BRINP3: variants seen among roughly 807,000 people sequenced by gnomAD.
BRINP3 encodes the protein BMP/retinoic acid inducible neural specific 3, also known as BMP/retinoic acid-inducible neural-specific protein 3.
BRINP3 carries 19 observed loss-of-function variants against 71.0 expected under a neutral mutation model. That is an observed-to-expected ratio of 0.27 (90% CI 0.19 to 0.39). The LOEUF is 0.39. BRINP3 is among the 10% of genes least tolerant of loss of function. The probability of loss-of-function intolerance (pLI) is 1.00; values close to 1 mark genes in which losing one functional copy is unlikely to be tolerated. For missense variants in BRINP3, 959 were observed against 940.8 expected (o/e 1.02, Z -0.25); for synonymous variants, 380 against 337.7 (o/e 1.13, Z -1.37).
At chr1:190,382,541 C>T (rs200965788) in intron 2 of BRINP3, among the ~76,000 whole-genome samples, 61 of 152,144 alleles carry the variant, frequency 4.0e-4, no homozygotes, top group African/African-American at 1.3e-3. Context: ...GTGAGGAAAA[C>T]GGACACTCAT....
chr1:190,287,943 A>C (rs1663561847), intron 2 of BRINP3, among the ~76,000 whole-genome samples: 1 of 152,146 alleles, frequency 6.6e-6, no homozygotes, highest in Admixed American at 6.6e-5. Context: ...TATGCAAACT[A>C]AGAGAAATAC....
chr1:190,245,709 C>G (rs1243008069), intron 4 of BRINP3, among the ~76,000 whole-genome samples: 1 of 151,104 alleles, frequency 6.6e-6, no homozygotes, highest in Admixed American at 6.6e-5. Flanking sequence ...CCCATCAACT[C>G]GTCATTTACA....
intron 6 of BRINP3, among the ~76,000 whole-genome samples, chr1:190,194,187 G>T (rs983012123): frequency 2.0e-5 from 3 of 151,992 alleles, no homozygotes; most frequent in Admixed American, 1.3e-4. Flanking sequence ...AAAGGAAGAC[G>T]CAACATGACC....
chr1:190,454,925 A>G lies in BRINP3; in HGVS notation c.-35T>C. 1.9e-6 allele frequency: 3 copies of G among 1,564,128 alleles called. No individual in the cohort carries two copies. The highest frequency in any genetic ancestry group is 2.6e-6 in the Non-Finnish European group (3 of 1,137,698). On this transcript the variant is annotated 5_prime_UTR_variant, in exon 2 of 8. Transcript: ENST00000367462. ...GGGGATTTAGAGCCTTCATTCTCTC[A>G]GCTTTCCCTCAACACCTAGACAAAA...
chr1:190,413,261 A>G (rs1260535331), intron 2 of BRINP3, among the ~76,000 whole-genome samples: 1 of 152,096 alleles, frequency 6.6e-6, no homozygotes, highest in Non-Finnish European at 1.5e-5. Context: ...AAAGTTTCTT[A>G]AAGAACTATC....
chr1:190,380,717 C>A (rs1357385120), intron 2 of BRINP3, among the ~76,000 whole-genome samples: 1 of 151,970 alleles, frequency 6.6e-6, no homozygotes, highest in East Asian at 1.9e-4. Flanking sequence ...GCAGAGTATA[C>A]TTCAGGGTTT....
chr1:190,420,181 A>G (rs1022459589), intron 2 of BRINP3, among the ~76,000 whole-genome samples: 5 of 152,002 alleles, frequency 3.3e-5, no homozygotes, highest in Non-Finnish European at 7.4e-5. Context: ...AGAATTTTCT[A>G]TTCCACTGAG....
At chr1:190,282,578 A>C (rs1409469492) in intron 2 of BRINP3, among the ~76,000 whole-genome samples, 1 of 152,038 alleles carries the variant, frequency 6.6e-6, no homozygotes, top group East Asian at 1.9e-4. Context: ...ATTCATATTT[A>C]TAAAATAATC....
intron 2 of BRINP3, among the ~76,000 whole-genome samples, chr1:190,377,870 T>C (rs1178297611): frequency 6.6e-6 from 1 of 152,084 alleles, no homozygotes; most frequent in African/African-American, 2.4e-5. Flanking sequence ...GAAATTAAAT[T>C]TTTTAAATTT....
chr1:190,462,196 G>A (rs527928148), intron 1 of BRINP3, among the ~76,000 whole-genome samples: 101 of 152,192 alleles, frequency 6.6e-4, no homozygotes, highest in Non-Finnish European at 1.1e-3. Flanking sequence ...ACAGGCATGA[G>A]ACACCATACC....
chr1:190,273,742 T>C (rs1014933595), intron 3 of BRINP3, among the ~76,000 whole-genome samples: 2 of 151,632 alleles, frequency 1.3e-5, no homozygotes, highest in African/African-American at 2.4e-5. Context: ...TACTGTTTAC[T>C]TCTCACTTGG....
chr1:190,418,567 C>G (rs533899176), intron 2 of BRINP3, among the ~76,000 whole-genome samples: 2 of 152,170 alleles, frequency 1.3e-5, no homozygotes, highest in African/African-American at 4.8e-5. Context: ...ATAAAAACCA[C>G]CCAAAATAAA....
intron 4 of BRINP3, among the ~76,000 whole-genome samples, chr1:190,241,510 C>T (rs535779627): frequency 3.1e-4 from 47 of 152,022 alleles, no homozygotes; most frequent in Non-Finnish European, 5.6e-4. Flanking sequence ...CAATAAAACA[C>T]AATTTAATTG....
At position 190,192,216 on chromosome 1, in the gene BRINP3, TA is replaced by T. The variant is rs561652637; in HGVS notation, c.962-31327del. On this transcript the variant is annotated intron_variant, in intron 6 of 7. Coordinates refer to ENST00000367462, the MANE Select transcript of BRINP3 (RefSeq NM_199051.3). ...TATCTCTTTGCTTTTAAAAAAGGCT[TA>T]AGCATGTTAAAAAATATTTTAAAGT... is the stretch of plus-strand genomic sequence containing the variant. Among the ~76,000 whole-genome samples the T allele has an allele frequency of 3.5e-3, 540 of 152,278 alleles. 4 individuals carry two copies. The highest frequency in any genetic ancestry group is 0.012 in the African/African-American group (512 of 41,582).
At chr1:190,249,931 T>C (rs1280614802) in intron 4 of BRINP3, among the ~76,000 whole-genome samples, 1 of 151,904 alleles carries the variant, frequency 6.6e-6, no homozygotes, top group Non-Finnish European at 1.5e-5. Context: ...GAATTGCTAA[T>C]AGAAGATTGT....
At chr1:190,389,296 C>T (rs1290017049) in intron 2 of BRINP3, among the ~76,000 whole-genome samples, 1 of 151,702 alleles carries the variant, frequency 6.6e-6, no homozygotes, top group Non-Finnish European at 1.5e-5. Context: ...TCCATTCCCC[C>T]ATTTCTTCCT....
intron 2 of BRINP3, among the ~76,000 whole-genome samples, chr1:190,365,224 C>T (rs906606080): frequency 6.6e-6 from 1 of 152,036 alleles, no homozygotes; most frequent in East Asian, 1.9e-4. Context: ...ACAACAGAAA[C>T]TGAGACTCCT....
At position 190,326,093 on chromosome 1, in the gene BRINP3, A is replaced by G. The variant is rs543327705; in HGVS notation, c.237-44343T>C. 1.1e-4 allele frequency among the ~76,000 whole-genome samples: 17 copies of G among 152,230 alleles called. No homozygotes were observed. The East Asian group carries it at 1.5e-3, about 14-fold the overall frequency. On this transcript the variant is annotated intron_variant, in intron 2 of 7. Transcript: ENST00000367462. The stretch of plus-strand genomic sequence containing the variant: ...GTCTAAACATCTTTAAAAAAAATCA[A>G]TTGGAGCTTCTGGGATTGAAAAACT...
intron 7 of BRINP3, among the ~76,000 whole-genome samples, chr1:190,138,135 G>A (rs920169553): frequency 6.6e-6 from 1 of 151,964 alleles, no homozygotes; most frequent in Non-Finnish European, 1.5e-5. Flanking sequence ...TGTATTTTTA[G>A]TAAAGACGGG....
Sources: gnomAD v4.1 joint callset for allele counts (sites outside exome capture counted in the v4.1 genomes callset) on GRCh38, gnomAD v4.1.1 for gene constraint, MANE v1.5 for transcripts, NCBI Gene and HGNC (gene_info 2026-07-23, HGNC 2026-07-21) for gene names.